The following NCK2 variants were observed in gnomAD, a reference collection of about 807,000 sequenced individuals.
NCK2 encodes the protein cytoplasmic protein NCK2.
Under a neutral mutation model 33.9 loss-of-function variants are expected in NCK2, and 16 were observed. The ratio of observed to expected loss-of-function variants is 0.47; its 90% CI spans 0.32 to 0.72. The LOEUF (loss-of-function observed/expected upper bound fraction) is 0.72. NCK2 is among the 30% of genes least tolerant of loss of function. The pLI, the probability that NCK2 is intolerant of heterozygous loss-of-function variation, is 0.03. For missense variants in NCK2, 418 were observed against 537.3 expected (o/e 0.78, Z 2.19); for synonymous variants, 273 against 239.9 (o/e 1.14, Z -1.27).
chr2:105,769,166 C>T (rs1388910754), intron 1 of NCK2, among the ~76,000 whole-genome samples: 14 of 152,136 alleles, frequency 9.2e-5, no homozygotes, highest in Admixed American at 6.5e-4. Flanking sequence ...TCTTGTTGCT[C>T]AGTAAATACC....
In NCK2 at chr2:105,893,184, C is replaced by A; in HGVS notation, c.*8C>A. 6.3e-7 allele frequency: 1 copy of A among 1,577,150 alleles called. No individual in the cohort carries two copies. Among genetic ancestry groups the A allele is most frequent in the Non-Finnish European group, 8.6e-7 (1 of 1,160,772 alleles). Reference sequence around the variant, plus strand: ...GTCAGGGCCCTGCAGTGACGGCGCCCCGGCCCCACACTCGCCTCCCGGGCC... The same window carrying A: ...GTCAGGGCCCTGCAGTGACGGCGCCACGGCCCCACACTCGCCTCCCGGGCC... On this transcript the variant is annotated 3_prime_UTR_variant, in exon 5 of 5. Coordinates refer to ENST00000233154, the MANE Select transcript of NCK2 (RefSeq NM_003581.5).
chr2:105,851,849 T>C (rs1677082081), intron 2 of NCK2: 1 of 152,316 alleles, frequency 6.6e-6, no homozygotes. Context: ...TGGGCGTCAG[T>C]GCAGTAAGTG....
chr2:105,811,162 C>CAA (rs11358569), intron 1 of NCK2, among the ~76,000 whole-genome samples: 14,369 of 140,000 alleles, frequency 0.1, 760 homozygotes, highest in South Asian at 0.14. Context: ...TGACAGAGTG[C>CAA]AAAAAAAAAA....
At chr2:105,774,190 G>C (rs1379032961) in intron 1 of NCK2, among the ~76,000 whole-genome samples, 1 of 151,896 alleles carries the variant, frequency 6.6e-6, no homozygotes, top group Non-Finnish European at 1.5e-5. Flanking sequence ...TGTATTTTTA[G>C]TAGAGACAGG....
At chr2:105,776,051 G>A (rs1033169667) in intron 1 of NCK2, among the ~76,000 whole-genome samples, 2 of 152,206 alleles carry the variant, frequency 1.3e-5, no homozygotes, top group African/African-American at 4.8e-5. Flanking sequence ...TTTTGGTTTG[G>A]CCCAATTTGG....
chr2:105,821,045 CTG>C (rs999222539), intron 2 of NCK2, among the ~76,000 whole-genome samples: 2 of 152,224 alleles, frequency 1.3e-5, no homozygotes, highest in African/African-American at 2.4e-5. Flanking sequence ...AACATTGAGC[CTG>C]TCACTCTTAC....
At chr2:105,806,877 A>G (rs913479367) in intron 1 of NCK2, among the ~76,000 whole-genome samples, 2 of 152,186 alleles carry the variant, frequency 1.3e-5, no homozygotes, top group Non-Finnish European at 2.9e-5. Flanking sequence ...ATCTTTCTGA[A>G]CCTTTTTCTC....
intron 1 of NCK2, among the ~76,000 whole-genome samples, chr2:105,758,867 T>G (rs1279800261): frequency 2.0e-5 from 3 of 152,242 alleles, no homozygotes; most frequent in Admixed American, 6.5e-5. Flanking sequence ...GGGTTTACAT[T>G]TAAGCTTTGT....
chr2:105,852,971 A>G (rs759506131), intron 2 of NCK2, among the ~76,000 whole-genome samples: 4 of 151,856 alleles, frequency 2.6e-5, no homozygotes, highest in Non-Finnish European at 5.9e-5. Context: ...AAGTTAATTC[A>G]TGAAAGAAAC....
At chr2:105,771,448 C>A (rs1690133648) in intron 1 of NCK2, among the ~76,000 whole-genome samples, 1 of 151,878 alleles carries the variant, frequency 6.6e-6, no homozygotes, top group African/African-American at 2.4e-5. Flanking sequence ...CGCCTGTAAT[C>A]CCAGCTACTT....
chr2:105,799,352 C>A (rs2104443081), intron 1 of NCK2, among the ~76,000 whole-genome samples: 1 of 151,950 alleles, frequency 6.6e-6, no homozygotes, highest in East Asian at 1.9e-4. Context: ...CATTGTAAAT[C>A]TTGGATACCT....
At chr2:105,777,691 CTG>C (rs1252929299) in intron 1 of NCK2, among the ~76,000 whole-genome samples, 1 of 152,148 alleles carries the variant, frequency 6.6e-6, no homozygotes, top group East Asian at 1.9e-4. Context: ...TATCAAGGTC[CTG>C]TGTGTAGAGC....
chr2:105,752,349 G>A (rs1350126170), intron 1 of NCK2, among the ~76,000 whole-genome samples: 3 of 152,154 alleles, frequency 2.0e-5, no homozygotes, highest in Non-Finnish European at 4.4e-5. Flanking sequence ...CAGACACTCA[G>A]CACATGATGT....
rs34721498 is a variant in NCK2, at chr2:105,772,895, A to ATTTT, written c.-201+27770_-201+27773dup. Among the ~76,000 whole-genome samples the ATTTT allele has an allele frequency of 2.1e-3, 285 of 133,100 alleles. 4 individuals carry two copies. The highest frequency in any genetic ancestry group is 6.2e-3 in the East Asian group (28 of 4,532). The allele number at this position is 133,100 out of a possible 152,430, so 87.3% of individuals were successfully genotyped here. On this transcript the variant is annotated intron_variant, in intron 1 of 4. Coordinates refer to ENST00000233154, the MANE Select transcript of NCK2 (RefSeq NM_003581.5). ...CTCCCACATCATCCCACGTGTCCACATTTTTTTTTTTTTTTTGAGATGGTC... is the reference window on the plus strand; with the variant it reads ...CTCCCACATCATCCCACGTGTCCACATTTTTTTTTTTTTTTTTTTTGAGATGGTC...
In NCK2 at chr2:105,765,959, A is replaced by G. The variant is rs190934302; in HGVS notation, c.-201+20821A>G. Reference sequence around the variant, plus strand: ...TGTGGGTGTAAGCTGCTGAATTTGCAGTGACTTGTTACATGGCAGCAGGTG... The same window carrying G: ...TGTGGGTGTAAGCTGCTGAATTTGCGGTGACTTGTTACATGGCAGCAGGTG... On this transcript the variant is annotated intron_variant, in intron 1 of 4. Coordinates refer to ENST00000233154, the MANE Select transcript of NCK2 (RefSeq NM_003581.5). Among the ~76,000 whole-genome samples the G allele has an allele frequency of 5.7e-3, 855 of 151,234 alleles. 5 individuals are homozygous for G. Among genetic ancestry groups the G allele is most frequent in the Non-Finnish European group, 9.0e-3 (606 of 67,684 alleles).
chr2:105,761,842 T>G (rs997273665), intron 1 of NCK2, among the ~76,000 whole-genome samples: 15 of 152,362 alleles, frequency 9.8e-5, no homozygotes, highest in South Asian at 4.1e-4. Context: ...ATCAGGCCCC[T>G]GTACTCCAGC....
chr2:105,750,685 A>G (rs1364573319), intron 1 of NCK2, among the ~76,000 whole-genome samples: 2 of 152,252 alleles, frequency 1.3e-5, no homozygotes, highest in Non-Finnish European at 1.5e-5. Flanking sequence ...GATTGAAGAG[A>G]GAGAAAAATC....
At chr2:105,881,275 G>A in intron 3 of NCK2, 53 bp from the exon 4 acceptor site, 5 of 1,535,182 alleles carry the variant, frequency 3.3e-6, no homozygotes, top group Non-Finnish European at 4.4e-6. Context: ...AGGCTAGGGA[G>A]TGTGGTGGTG....
At chr2:105,835,180 G>T (rs1172238936) in intron 2 of NCK2, among the ~76,000 whole-genome samples, 1 of 151,038 alleles carries the variant, frequency 6.6e-6, no homozygotes, top group East Asian at 1.9e-4. Flanking sequence ...TTATACTTTT[G>T]TGTGTTTCCA....
Sources: gnomAD v4.1 joint callset for allele counts (sites outside exome capture counted in the v4.1 genomes callset) on GRCh38, gnomAD v4.1.1 for gene constraint, MANE v1.5 for transcripts, NCBI Gene and HGNC (gene_info 2026-07-23, HGNC 2026-07-21) for gene names.